The following CSNK1G1 variants were observed in gnomAD, a reference collection of about 807,000 sequenced individuals.
CSNK1G1 encodes casein kinase I isoform gamma-1.
CSNK1G1 carries 22 observed loss-of-function variants against 59.6 expected under a neutral mutation model. The ratio of observed to expected loss-of-function variants is 0.37; its 90% CI spans 0.26 to 0.53. The LOEUF is 0.53. CSNK1G1 is among the 20% of genes least tolerant of loss of function. The pLI, the probability that CSNK1G1 is intolerant of heterozygous loss-of-function variation, is 0.89. For missense variants in CSNK1G1, 384 were observed against 519.5 expected (o/e 0.74, Z 2.54); for synonymous variants, 179 against 177.1 (o/e 1.01, Z -0.08).
At chr15:64,266,201 TATAGG>T (rs1892977340) in intron 2 of CSNK1G1, among the ~76,000 whole-genome samples, 1 of 152,040 alleles carries the variant, frequency 6.6e-6, no homozygotes, top group Admixed American at 6.5e-5. Context: ...TAGCTGGGAC[TATAGG>T]CATGAGGACC....
intron 2 of CSNK1G1, among the ~76,000 whole-genome samples, chr15:64,269,492 A>AT (rs36065606): frequency 0.037 from 4,296 of 117,186 alleles, 155 homozygotes; most frequent in Admixed American, 0.11. Flanking sequence ...TCTGATGGCT[A>AT]TTTTTTTTTT....
intron 10 of CSNK1G1, among the ~76,000 whole-genome samples, chr15:64,189,667 G>A (rs1465561806): frequency 1.3e-5 from 2 of 152,080 alleles, no homozygotes; most frequent in South Asian, 2.1e-4. Context: ...TATAAAAAAC[G>A]AAGGGCAAGG....
At chr15:64,266,399 AT>A (rs1350994173) in intron 2 of CSNK1G1, among the ~76,000 whole-genome samples, 2 of 152,144 alleles carry the variant, frequency 1.3e-5, no homozygotes, top group Non-Finnish European at 2.9e-5. Context: ...CTTAAAAAAA[AT>A]AAAAATAAAA....
intron 3 of CSNK1G1, among the ~76,000 whole-genome samples, chr15:64,254,353 C>CT (rs564370323): frequency 0.11 from 15,429 of 135,144 alleles, 2,549 homozygotes; most frequent in African/African-American, 0.37. Flanking sequence ...TGCCATTGAA[C>CT]TTTTTTTTTT....
chr15:64,179,139 G>T (rs930256287), intron 11 of CSNK1G1, among the ~76,000 whole-genome samples: 2 of 141,128 alleles, frequency 1.4e-5, no homozygotes, highest in Non-Finnish European at 3.0e-5. Context: ...TCATGACTTT[G>T]GGAGACTGAG....
chr15:64,231,521 T>A (rs1008647533), intron 4 of CSNK1G1, among the ~76,000 whole-genome samples: 2 of 151,202 alleles, frequency 1.3e-5, no homozygotes, highest in African/African-American at 4.9e-5. Context: ...AGACTTAGCT[T>A]AGAATAGTAC....
rs1222594751 is a variant in CSNK1G1, at chr15:64,171,152, T to C, written c.*779A>G. The C allele has an allele frequency of 6.6e-6, 1 of 152,398 alleles. No homozygotes were observed. Among genetic ancestry groups the C allele is most frequent in the Non-Finnish European group, 1.5e-5 (1 of 68,000 alleles). 9.4% of individuals were successfully genotyped at this position (152,398 alleles called of 1,614,324 possible). On this transcript the variant is annotated 3_prime_UTR_variant, in exon 12 of 12. Coordinates refer to ENST00000303052, the MANE Select transcript of CSNK1G1 (RefSeq NM_022048.5). This position sits in a 1 kb window ranked among gnomAD's most constrained non-coding sequence, Gnocchi z 4.8. The stretch of plus-strand genomic sequence containing the variant: ...ACACAATATGCATCTGCCATGTTTT[T>C]GTTTTTGTTTTTTTTAAAAAAACTA...
At chr15:64,233,356 C>CTG (rs1445957901) in intron 4 of CSNK1G1, among the ~76,000 whole-genome samples, 1 of 139,012 alleles carries the variant, frequency 7.2e-6, no homozygotes, top group African/African-American at 2.5e-5. Context: ...CTCTCTCTCT[C>CTG]TCTTTCTCTC....
At chr15:64,294,304 T>C (rs1394006517) in intron 2 of CSNK1G1, among the ~76,000 whole-genome samples, 1 of 151,922 alleles carries the variant, frequency 6.6e-6, no homozygotes, top group Non-Finnish European at 1.5e-5. Flanking sequence ...AAACTCCTGA[T>C]CTCAGGTGAT....
At position 64,170,320 on chromosome 15, in the gene CSNK1G1, G is replaced by A. The variant is rs2081649566; in HGVS notation, c.*1611C>T. On this transcript the variant is annotated 3_prime_UTR_variant, in exon 12 of 12. Transcript: ENST00000303052. ...GCCTAGGGCATACTGGGAAAAACAT[G>A]CTTAGAGGCACGGCCACCTTTCTGG... 1 of 152,224 alleles carries A rather than the reference G, an allele frequency of 6.6e-6. No homozygotes were observed. Among genetic ancestry groups the A allele is most frequent in the African/African-American group, 2.4e-5 (1 of 41,442 alleles). The allele number at this position is 152,224 out of a possible 1,614,324, so 9.4% of individuals were successfully genotyped here. A position where few individuals can be genotyped will look rare whatever the true frequency, so the allele number is the denominator to read the frequency against.
intron 3 of CSNK1G1, among the ~76,000 whole-genome samples, chr15:64,256,449 CTTA>C (rs1286023855): frequency 1.3e-5 from 2 of 152,168 alleles, no homozygotes; most frequent in African/African-American, 2.4e-5. Flanking sequence ...ACATGAGGGT[CTTA>C]TTATGAAGAC....
chr15:64,179,948 G>A, intron 11 of CSNK1G1: 1 of 170,604 alleles, frequency 5.9e-6, no homozygotes, highest in Non-Finnish European at 1.3e-5. Context: ...TTCCATGATT[G>A]TACATCCAGT....
chr15:64,180,413 G>A lies in CSNK1G1; in HGVS notation c.1149C>T (p.Pro383=), dbSNP rs1193863988. 1 of 1,614,086 alleles carries A rather than the reference G, an allele frequency of 6.2e-7. No individual in the cohort carries two copies. Among genetic ancestry groups the A allele is most frequent in the Non-Finnish European group, 8.5e-7 (1 of 1,179,988 alleles). ...STNGELNVDD[P]TGAHSNAPIT... ...TTGGTGCATTGGAGTGGGCTCCCGTGGGATCATCAACATTCAGCTCTCCAT... is the reference window on the plus strand; with the variant it reads ...TTGGTGCATTGGAGTGGGCTCCCGTAGGATCATCAACATTCAGCTCTCCAT... The change falls in exon 11 of 12, where the codon CCC becomes CCT. Residue 383 remains proline, a synonymous_variant. Transcript: ENST00000303052.
intron 1 of CSNK1G1, among the ~76,000 whole-genome samples, chr15:64,309,833 G>A (rs965493669): frequency 6.6e-6 from 1 of 152,188 alleles, no homozygotes; most frequent in African/African-American, 2.4e-5. Context: ...ATTTTGGCCT[G>A]GTGTGGTGGC....
intron 1 of CSNK1G1, among the ~76,000 whole-genome samples, chr15:64,317,634 G>C (rs1896345696): frequency 6.6e-6 from 1 of 151,716 alleles, no homozygotes; most frequent in South Asian, 2.1e-4. Context: ...GGATGGCTGG[G>C]ACTACAGGGG....
chr15:64,243,980 C>T (rs987040376), intron 4 of CSNK1G1, among the ~76,000 whole-genome samples: 1 of 151,838 alleles, frequency 6.6e-6, no homozygotes, highest in African/African-American at 2.4e-5. Flanking sequence ...AACAGCCTGG[C>T]CAACATGGTG....
chr15:64,254,627 C>T (rs906317648), intron 3 of CSNK1G1, among the ~76,000 whole-genome samples: 4 of 152,214 alleles, frequency 2.6e-5, no homozygotes, highest in Non-Finnish European at 4.4e-5. Context: ...GCTGGGATTA[C>T]AGGTGTGAGC....
chr15:64,217,462 G>A (rs1454183347), intron 4 of CSNK1G1, among the ~76,000 whole-genome samples: 1 of 152,192 alleles, frequency 6.6e-6, no homozygotes, highest in African/African-American at 2.4e-5. Flanking sequence ...TTTATAAAGT[G>A]CATTGTAAAT....
chr15:64,336,104 AC>A (rs1897375299), intron 1 of CSNK1G1, among the ~76,000 whole-genome samples: 1 of 152,120 alleles, frequency 6.6e-6, no homozygotes, highest in Non-Finnish European at 1.5e-5. Flanking sequence ...ATTCTATGGA[AC>A]TCTATGCGAC....
Sources: allele counts gnomAD v4.1 joint callset (sites outside exome capture counted in the v4.1 genomes callset), GRCh38; gene constraint gnomAD v4.1.1; non-coding constraint Gnocchi (gnomAD v3.1); transcripts MANE v1.5; gene names NCBI Gene and HGNC (gene_info 2026-07-23, HGNC 2026-07-21).